Variants in ANKS1B observed in about 807,000 individuals in gnomAD.
ANKS1B encodes ankyrin repeat and sterile alpha motif domain containing 1B, also known as ankyrin repeat and sterile alpha motif domain-containing protein 1B.
Under a neutral mutation model 148.3 loss-of-function variants are expected in ANKS1B, and 36 were observed. The ratio of observed to expected loss-of-function variants is 0.24; its 90% CI spans 0.19 to 0.32. The LOEUF (loss-of-function observed/expected upper bound fraction) is 0.32. Ranked by LOEUF, ANKS1B falls within the 10% of genes least tolerant of loss-of-function variation. The pLI, the probability that ANKS1B is intolerant of heterozygous loss-of-function variation, is 1.00. For synonymous variants in ANKS1B, 542 were observed against 560.8 expected (o/e 0.97, Z 0.47); for missense variants, 1,157 against 1,542.6 (o/e 0.75, Z 4.19).
chr12:98,951,704 C>T (rs1809094991), intron 17 of ANKS1B, among the ~76,000 whole-genome samples: 1 of 152,188 alleles, frequency 6.6e-6, no homozygotes, highest in Admixed American at 6.5e-5. Flanking sequence ...GATGCCCTCC[C>T]TCTCCTCTCC....
At chr12:99,282,249 G>A (rs971545749) in intron 12 of ANKS1B, among the ~76,000 whole-genome samples, 1 of 152,182 alleles carries the variant, frequency 6.6e-6, no homozygotes, top group African/African-American at 2.4e-5. Flanking sequence ...AATAGCAGGT[G>A]CGAAGTCCCT....
chr12:98,809,126 G>A (rs2099074110), intron 19 of ANKS1B, among the ~76,000 whole-genome samples: 1 of 152,092 alleles, frequency 6.6e-6, no homozygotes, highest in Non-Finnish European at 1.5e-5. Context: ...GGCTTGCTGG[G>A]GATGGTTAAG....
intron 16 of ANKS1B, among the ~76,000 whole-genome samples, chr12:99,055,689 G>A (rs944551894): frequency 1.4e-5 from 2 of 147,734 alleles, no homozygotes; most frequent in African/African-American, 2.5e-5. Flanking sequence ...TCAGAAGAGA[G>A]AAGTGCCAGT....
At chr12:98,818,246 G>A (rs2099158127) in intron 19 of ANKS1B, among the ~76,000 whole-genome samples, 1 of 145,150 alleles carries the variant, frequency 6.9e-6, no homozygotes. Flanking sequence ...CTAATTCTGG[G>A]ACTGATATCA....
chr12:99,443,593 A>G, intron 11 of ANKS1B, 80 bp downstream of exon 11: 3 of 1,434,918 alleles, frequency 2.1e-6, no homozygotes, highest in South Asian at 2.6e-5. Context: ...CAGTCCAGGC[A>G]TTGCAATATA....
chr12:99,426,838 C>A (rs984578218), intron 11 of ANKS1B, among the ~76,000 whole-genome samples: 4 of 152,112 alleles, frequency 2.6e-5, no homozygotes, highest in African/African-American at 9.7e-5. Context: ...TTGATCCTTG[C>A]TCCCCAGTTC....
intron 11 of ANKS1B, among the ~76,000 whole-genome samples, chr12:99,431,119 G>A (rs1009637311): frequency 1.3e-5 from 2 of 152,072 alleles, no homozygotes; most frequent in Non-Finnish European, 2.9e-5. Context: ...TGTCTTAAAG[G>A]CGAAAATATA....
At chr12:99,198,163 C>T (rs2081613095) in intron 14 of ANKS1B, among the ~76,000 whole-genome samples, 1 of 152,126 alleles carries the variant, frequency 6.6e-6, no homozygotes, top group South Asian at 2.1e-4. Flanking sequence ...CCACACAGCA[C>T]TCTGCATTCT....
Position 99,500,022 on chromosome 12 carries a change from A to G in ANKS1B, c.1438+4454T>C, listed in dbSNP as rs138775449. The stretch of plus-strand genomic sequence containing the variant: ...TGGATTTGTGGAAGCCTTAAAAGCT[A>G]TAAGAAAGGTGTTGATGAAAGCTTA... On this transcript the variant is annotated intron_variant, in intron 10 of 26. Coordinates refer to ENST00000683438, the MANE Select transcript of ANKS1B (RefSeq NM_001352186.2). 1.5e-4 allele frequency among the ~76,000 whole-genome samples: 23 copies of G among 152,286 alleles called. No homozygotes were observed. In the East Asian group the frequency reaches 3.5e-3, roughly 23 times the overall value.
intron 14 of ANKS1B, among the ~76,000 whole-genome samples, chr12:99,207,133 C>A (rs1254991492): frequency 6.6e-6 from 1 of 152,152 alleles, no homozygotes; most frequent in Non-Finnish European, 1.5e-5. Context: ...CCCTGTCTTG[C>A]ATTGTGCTAT....
intron 12 of ANKS1B, among the ~76,000 whole-genome samples, chr12:99,364,879 TA>T (rs2092685043): frequency 6.6e-6 from 1 of 152,198 alleles, no homozygotes; most frequent in Non-Finnish European, 1.5e-5. Context: ...ACAAGGGTCC[TA>T]GGGGCAGTGA....
At position 99,927,696 on chromosome 12, in the gene ANKS1B, C is replaced by A. The variant is rs544906841; in HGVS notation, c.134+56408G>T. Among the ~76,000 whole-genome samples the A allele has an allele frequency of 7.9e-5, 12 of 152,182 alleles. No individual in the cohort carries two copies. The South Asian group carries it at 1.0e-3, about 13-fold the overall frequency. Reference sequence around the variant, plus strand: ...CTTTGGGAAGCTAAGGCAGGAGGATCACTTGGGCCCAGGAGTTTGAGACTG... The same window carrying A: ...CTTTGGGAAGCTAAGGCAGGAGGATAACTTGGGCCCAGGAGTTTGAGACTG... On this transcript the variant is annotated intron_variant, in intron 1 of 26. Transcript: ENST00000683438.
At chr12:99,652,883 C>G (rs2098430348) in intron 9 of ANKS1B, among the ~76,000 whole-genome samples, 1 of 151,816 alleles carries the variant, frequency 6.6e-6, no homozygotes, top group Admixed American at 6.6e-5. Flanking sequence ...TAATATAGAG[C>G]CATAATTGAA....
chr12:99,216,747 T>G (rs2084263425), intron 14 of ANKS1B, among the ~76,000 whole-genome samples: 1 of 152,228 alleles, frequency 6.6e-6, no homozygotes, highest in Admixed American at 6.5e-5. Context: ...TACAACATCA[T>G]GCCTTCCAGG....
intron 14 of ANKS1B, among the ~76,000 whole-genome samples, chr12:99,215,768 T>G (rs2153927399): frequency 6.6e-6 from 1 of 152,338 alleles, no homozygotes; most frequent in South Asian, 2.1e-4. Flanking sequence ...AGTAACTAAC[T>G]TGCTTTGATT....
intron 17 of ANKS1B, among the ~76,000 whole-genome samples, chr12:98,840,821 T>C (rs1406460745): frequency 6.6e-6 from 1 of 152,222 alleles, no homozygotes; most frequent in Non-Finnish European, 1.5e-5. Context: ...TACTTTTAAG[T>C]AAAGCTTGCT....
Position 99,630,766 on chromosome 12 carries a change from G to A in ANKS1B, c.1272+24301C>T, listed in dbSNP as rs146185924. Among the ~76,000 whole-genome samples the A allele has an allele frequency of 2.3e-3, 347 of 152,280 alleles. 1 individual carries two copies. Among genetic ancestry groups the A allele is most frequent in the East Asian group, 0.022 (116 of 5,174 alleles). On this transcript the variant is annotated intron_variant, in intron 9 of 26. Transcript: ENST00000683438. ...AGCAAGACTCACTGTGTGATGCCCCGCGTTGCCTTGGGACTCTACAGCACG... is the reference window on the plus strand; with the variant it reads ...AGCAAGACTCACTGTGTGATGCCCCACGTTGCCTTGGGACTCTACAGCACG...
chr12:98,769,514 G>C (rs1426430586), intron 25 of ANKS1B, among the ~76,000 whole-genome samples: 2 of 152,038 alleles, frequency 1.3e-5, no homozygotes, highest in African/African-American at 4.8e-5. Flanking sequence ...CAAACATCTG[G>C]ATGAAAAGAT....
Position 99,797,744 on chromosome 12 carries a change from C to G in ANKS1B, c.669+8660G>C, listed in dbSNP as rs563175593. The stretch of plus-strand genomic sequence containing the variant: ...ACTGAAATGATATATATGTTAACAT[C>G]AATAACTGAATTGTTGATGAAAGCA... On this transcript the variant is annotated intron_variant, in intron 4 of 26. Transcript: ENST00000683438. Among the ~76,000 whole-genome samples the G allele has an allele frequency of 1.3e-4, 20 of 151,776 alleles. No individual in the cohort carries two copies. The South Asian group carries it at 4.0e-3, about 30-fold the overall frequency.
Sources: allele counts gnomAD v4.1 joint callset (sites outside exome capture counted in the v4.1 genomes callset), GRCh38; gene constraint gnomAD v4.1.1; transcripts MANE v1.5; gene names NCBI Gene and HGNC (gene_info 2026-07-23, HGNC 2026-07-21).